RAI14: variants seen among roughly 807,000 people sequenced by gnomAD.
RAI14 encodes ankycorbin.
In RAI14, 45 loss-of-function variants were observed where a neutral mutation model predicts 115.4. That is an observed-to-expected ratio of 0.39 (90% CI 0.31 to 0.50). The LOEUF is 0.50. Ranked by LOEUF, RAI14 falls within the 20% of genes least tolerant of loss-of-function variation. The pLI is 0.85. For synonymous variants in RAI14, 371 were observed against 415.4 expected, an observed-to-expected ratio of 0.89 and a Z score of 1.30; for missense variants, 939 against 1,131.2, an observed-to-expected ratio of 0.83 and a Z score of 2.44.
At position 34,680,774 on chromosome 5, in the gene RAI14, C is replaced by G. The variant is rs1469825628; in HGVS notation, c.-48-6098C>G. 2.0e-5 allele frequency among the ~76,000 whole-genome samples: 3 copies of G among 152,298 alleles called. No homozygotes were observed. The South Asian group carries it at 6.2e-4, about 32-fold the overall frequency. Reference sequence around the variant, plus strand: ...TTAGGAAGACTTCTCTGATCTTTTTCTAGCACTTCAAGATTCTCACTCTTT... The same window carrying G: ...TTAGGAAGACTTCTCTGATCTTTTTGTAGCACTTCAAGATTCTCACTCTTT... On this transcript the variant is annotated intron_variant, in intron 1 of 17. Transcript: ENST00000265109.
intron 2 of RAI14, among the ~76,000 whole-genome samples, chr5:34,715,129 T>C (rs1741836552): frequency 6.6e-6 from 1 of 152,040 alleles, no homozygotes; most frequent in Non-Finnish European, 1.5e-5. Context: ...TCAGGAGAGT[T>C]GTGCGTGTGA....
intron 1 of RAI14, among the ~76,000 whole-genome samples, chr5:34,681,333 C>T (rs1744364843): frequency 6.6e-6 from 1 of 152,042 alleles, no homozygotes; most frequent in Admixed American, 6.5e-5. Context: ...ATTTTAGTTT[C>T]TTATGCTTGT....
chr5:34,708,782 G>A (rs1342666875), intron 2 of RAI14, among the ~76,000 whole-genome samples: 1 of 152,134 alleles, frequency 6.6e-6, no homozygotes, highest in African/African-American at 2.4e-5. Flanking sequence ...AGACCATTAT[G>A]CCACAGATAA....
intron 12 of RAI14, among the ~76,000 whole-genome samples, 178 bp from the exon 13 acceptor site, chr5:34,818,619 G>T (rs1481235988): frequency 6.6e-6 from 1 of 152,110 alleles, no homozygotes; most frequent in Non-Finnish European, 1.5e-5. Flanking sequence ...GTAGATAATT[G>T]TCACTTTTAC....
chr5:34,681,384 C>A (rs1744367593), intron 1 of RAI14, among the ~76,000 whole-genome samples: 1 of 152,106 alleles, frequency 6.6e-6, no homozygotes, highest in Non-Finnish European at 1.5e-5. Flanking sequence ...GTCTGATGTC[C>A]TTTTTAACTT....
chr5:34,742,558 T>C (rs551127175), intron 2 of RAI14, among the ~76,000 whole-genome samples: 1 of 152,248 alleles, frequency 6.6e-6, no homozygotes, highest in Non-Finnish European at 1.5e-5. Context: ...CTTTAAGAAA[T>C]GTGAAAAACA....
chr5:34,821,057 T>C lies in RAI14; in HGVS notation c.995-675T>C, dbSNP rs374024387. 3.3e-5 allele frequency among the ~76,000 whole-genome samples: 5 copies of C among 151,980 alleles called. No individual in the cohort carries two copies. The East Asian group carries it at 7.7e-4, about 23-fold the overall frequency. ...ATGGGAACCATGAATCTGAGGAAAA[T>C]AGGAATCTAGAAAAGTAGCAGTGTC... On this transcript the variant is annotated intron_variant, in intron 13 of 17. Coordinates refer to ENST00000265109, the MANE Select transcript of RAI14 (RefSeq NM_015577.3).
intron 3 of RAI14, among the ~76,000 whole-genome samples, chr5:34,793,131 T>G (rs1315027255): frequency 1.3e-5 from 2 of 152,224 alleles, no homozygotes; most frequent in African/African-American, 2.4e-5. Flanking sequence ...GGGATTTTCT[T>G]TTACAAAGCT....
Position 34,831,225 on chromosome 5 carries a change from A to G in RAI14, c.*460A>G, listed in dbSNP as rs1757995693. 6.3e-6 allele frequency: 1 copy of G among 157,962 alleles called. No homozygotes were observed. The highest frequency in any genetic ancestry group is 1.4e-5 in the Non-Finnish European group (1 of 71,280). 9.8% of individuals were successfully genotyped at this position (157,962 alleles called of 1,614,324 possible). A position where few individuals can be genotyped will look rare whatever the true frequency, so the allele number is the denominator to read the frequency against. On this transcript the variant is annotated 3_prime_UTR_variant, in exon 18 of 18. Transcript: ENST00000265109. ...AAAACATGATTTAATTTCTAACTAA[A>G]TTAGTATGGCACTAGTTATGAAGTA...
chr5:34,770,716 G>A (rs923722728), intron 3 of RAI14, among the ~76,000 whole-genome samples: 1 of 152,180 alleles, frequency 6.6e-6, no homozygotes, highest in Non-Finnish European at 1.5e-5. Flanking sequence ...AGAGAGCCCA[G>A]TGAATAGGGA....
At chr5:34,737,488 G>A (rs879470912) in intron 2 of RAI14, among the ~76,000 whole-genome samples, 3 of 152,010 alleles carry the variant, frequency 2.0e-5, no homozygotes, top group Non-Finnish European at 2.9e-5. Context: ...TCTTGGCACG[G>A]TGGCTTACAC....
intron 3 of RAI14, among the ~76,000 whole-genome samples, chr5:34,780,130 C>T (rs950522056): frequency 6.6e-6 from 1 of 152,118 alleles, no homozygotes; most frequent in Non-Finnish European, 1.5e-5. Context: ...GGAAAGGATT[C>T]CCTATTTAAT....
intron 1 of RAI14, among the ~76,000 whole-genome samples, chr5:34,672,848 AGGGAAAC>A (rs1434742488): frequency 6.8e-6 from 1 of 146,314 alleles, no homozygotes; most frequent in Non-Finnish European, 1.5e-5. Flanking sequence ...CCCATACCCC[AGGGAAAC>A]TTCCCCACCG....
At chr5:34,766,486 G>A (rs988457858) in intron 3 of RAI14, among the ~76,000 whole-genome samples, 2 of 152,164 alleles carry the variant, frequency 1.3e-5, no homozygotes, top group African/African-American at 4.8e-5. Context: ...CTGGATTTCA[G>A]ACTTGTGTGG....
chr5:34,801,665 C>T (rs566042156), intron 4 of RAI14, among the ~76,000 whole-genome samples: 5 of 152,034 alleles, frequency 3.3e-5, no homozygotes, highest in Admixed American at 6.5e-5. Flanking sequence ...CGCTTGAACC[C>T]GGGAGGCAGA....
At position 34,831,608 on chromosome 5, in the gene RAI14, CTG is replaced by C. The variant is rs757195254; in HGVS notation, c.*845_*846del. ...AACTTTTGTAGAAGTATTTTTTTCT[CTG>C]TAATATTTTTATTGGCTCATAAAGA... On this transcript the variant is annotated 3_prime_UTR_variant, in exon 18 of 18. Transcript: ENST00000265109. 2 of 152,484 alleles carry C rather than the reference CTG, an allele frequency of 1.3e-5. No individual in the cohort carries two copies. Among genetic ancestry groups the C allele is most frequent in the African/African-American group, 4.8e-5 (2 of 41,434 alleles). 9.4% of individuals were successfully genotyped at this position (152,484 alleles called of 1,614,324 possible). A position where few individuals can be genotyped will look rare whatever the true frequency, so the allele number is the denominator to read the frequency against.
At chr5:34,811,714 A>G in intron 8 of RAI14, 53 bp from the exon 9 acceptor site, 1 of 1,476,510 alleles carries the variant, frequency 6.8e-7, no homozygotes, top group Non-Finnish European at 9.1e-7. Context: ...ATTTCCCAAG[A>G]AAGACTTTTT....
At chr5:34,687,557 G>T (rs993048847) in intron 2 of RAI14, 1 of 1,432,590 alleles carries the variant, frequency 7.0e-7, no homozygotes, top group Non-Finnish European at 9.2e-7. Flanking sequence ...CCCAGGAGAA[G>T]AGGGAGAAAA....
At chr5:34,732,931 C>G (rs889912578) in intron 2 of RAI14, among the ~76,000 whole-genome samples, 1 of 152,026 alleles carries the variant, frequency 6.6e-6, no homozygotes, top group Non-Finnish European at 1.5e-5. Context: ...CTGACTTTCT[C>G]ATAGCCACTA....
Sources: allele counts gnomAD v4.1 joint callset (sites outside exome capture counted in the v4.1 genomes callset), GRCh38; gene constraint gnomAD v4.1.1; transcripts MANE v1.5; gene names NCBI Gene and HGNC (gene_info 2026-07-23, HGNC 2026-07-21).